Variants in SMG1 observed in about 807,000 individuals in gnomAD.
SMG1 encodes the protein SMG1 nonsense mediated mRNA decay associated PI3K related kinase, also known as serine/threonine-protein kinase SMG1.
Under a neutral mutation model 419.9 loss-of-function variants are expected in SMG1, and 22 were observed. That is an observed-to-expected ratio of 0.05 (90% CI 0.04 to 0.07). The LOEUF is 0.07. Ranked by LOEUF, SMG1 falls within the 10% of genes least tolerant of loss-of-function variation. The pLI, the probability that SMG1 is intolerant of heterozygous loss-of-function variation, is 1.00. For synonymous variants in SMG1, 1,538 were observed against 1,553.5 expected, an observed-to-expected ratio of 0.99 and a Z score of 0.23; for missense variants, 3,185 against 4,342.0, an observed-to-expected ratio of 0.73 and a Z score of 7.49.
intron 1 of SMG1, among the ~76,000 whole-genome samples, chr16:18,921,628 G>A (rs1292237625): frequency 1.3e-5 from 2 of 151,916 alleles, no homozygotes; most frequent in Admixed American, 1.3e-4. Context: ...CCACCTAATA[G>A]GTATAAAATA....
intron 55 of SMG1, among the ~76,000 whole-genome samples, chr16:18,827,815 A>G (rs578041275): frequency 1.4e-5 from 2 of 144,192 alleles, no homozygotes; most frequent in South Asian, 4.3e-4. Flanking sequence ...GTATAAATAT[A>G]CCAAAGTATA....
At position 18,815,480 on chromosome 16, in the gene SMG1, T is replaced by G. The variant is rs1326422036; in HGVS notation, c.10474A>C (p.Ile3492Leu). 3.7e-6 allele frequency: 6 copies of G among 1,614,034 alleles called. No homozygotes were observed. Among genetic ancestry groups the G allele is most frequent in the Non-Finnish European group, 5.1e-6 (6 of 1,179,890 alleles). The change falls in exon 59 of 63, where the codon ATC becomes CTC. Residue 3492 changes from isoleucine (I) to leucine (L), a missense_variant. Around this residue, in one of 27 missense-constraint regions of SMG1, gnomAD observed 737 missense variants for 846.6 expected, o/e 0.87. Transcript: ENST00000446231. ...TTCAGTTCTTTCAAGGTGGGAGTGA[T>G]TTCCTGGAGCATTTCAACGTGTTCT... ...SQEHVEMLQE[I>L]TPTLKELKTQ...
At position 18,830,127 on chromosome 16, in the gene SMG1, A is replaced by G. The variant is rs1489255611; in HGVS notation, c.8944-12T>C. On this transcript the variant is annotated splice_polypyrimidine_tract_variant and intron_variant, in intron 52 of 62. Transcript: ENST00000446231. ...TCCATCTTGTTCAACTATGTAAATG[A>G]AAGAAAACAAAGTTCATTTCTCCAC... is the stretch of plus-strand genomic sequence containing the variant. 4 of 1,599,802 alleles carry G rather than the reference A, an allele frequency of 2.5e-6. No homozygotes were observed. The highest frequency in any genetic ancestry group is 1.7e-5 in the Admixed American group (1 of 57,490).
In SMG1 at chr16:18,873,830, T is replaced by A. The variant is rs562638700; in HGVS notation, c.1891-1206A>T. Among the ~76,000 whole-genome samples, 333 of 152,298 alleles carry A rather than the reference T, an allele frequency of 2.2e-3. 5 individuals are homozygous for A. The highest frequency in any genetic ancestry group is 7.3e-3 in the African/African-American group (305 of 41,576). ...TTCCATCCATCTTTTTCCTTTACAC[T>A]GCCAAGACACTCCATTCCACCTGAC... is the stretch of plus-strand genomic sequence containing the variant. On this transcript the variant is annotated intron_variant, in intron 13 of 62. Transcript: ENST00000446231.
At chr16:18,817,223 A>T in intron 57 of SMG1, 68 bp downstream of exon 57, 1 of 1,303,618 alleles carries the variant, frequency 7.7e-7, no homozygotes, top group Admixed American at 2.8e-5. Flanking sequence ...CGGAATGTAT[A>T]TATTAAATTG....
intron 1 of SMG1, among the ~76,000 whole-genome samples, chr16:18,908,476 CAAAAA>C (rs59890240): frequency 1.2e-5 from 1 of 83,706 alleles, no homozygotes; most frequent in Non-Finnish European, 2.3e-5. Context: ...GACTCCGTCT[CAAAAA>C]AAAAAAAAAA....
rs149043036 is a variant in SMG1 at position 18,841,397 on chromosome 16, CAAA to C, written c.6696+165_6696+167del. Among the ~76,000 whole-genome samples, 586 of 105,328 alleles carry C rather than the reference CAAA, an allele frequency of 5.6e-3. 3 individuals carry two copies. The highest frequency in any genetic ancestry group is 0.015 in the Middle Eastern group (3 of 194). 69.1% of individuals were successfully genotyped at this position (105,328 alleles called of 152,430 possible). A position where few individuals can be genotyped will look rare whatever the true frequency, so the allele number is the denominator to read the frequency against. On this transcript the variant is annotated intron_variant, in intron 41 of 62. Transcript: ENST00000446231. ...TGGGCGACAGAGCAAGACTGTGTCT[CAAA>C]AAAAAAAAAAAAAAAAAAGTACCTC...
chr16:18,885,899 T>C lies in SMG1; in HGVS notation c.823-233A>G, dbSNP rs570598892. ...AGGCAGAGGTTGCAGTGAGCTGAGA[T>C]TGCACTGCTGCACTCCAGCCTGGAC... On this transcript the variant is annotated intron_variant, in intron 6 of 62. Transcript: ENST00000446231. 2.6e-5 allele frequency among the ~76,000 whole-genome samples: 4 copies of C among 152,088 alleles called. No homozygotes were observed. The South Asian group carries it at 8.3e-4, about 32-fold the overall frequency.
rs368125844 is a variant in SMG1 at position 18,919,657 on chromosome 16, T to TACAC, written c.92+6289_92+6292dup. Among the ~76,000 whole-genome samples, 226 of 125,780 alleles carry TACAC rather than the reference T, an allele frequency of 1.8e-3. 3 individuals carry two copies. The highest frequency in any genetic ancestry group is 7.1e-3 in the East Asian group (29 of 4,096). The allele number at this position is 125,780 out of a possible 152,430, so 82.5% of individuals were successfully genotyped here. The stretch of plus-strand genomic sequence containing the variant: ...AAATGTGTGTGTGTGTGTGTATATA[T>TACAC]ACACACACACACACACACACACACA... On this transcript the variant is annotated intron_variant, in intron 1 of 62. Transcript: ENST00000446231.
At chr16:18,838,719 G>A (rs2033732368) in intron 42 of SMG1, 30 bp from the exon 43 acceptor site, 4 of 1,447,788 alleles carry the variant, frequency 2.8e-6, no homozygotes, top group East Asian at 4.6e-5. Flanking sequence ...GGCAGCAAGT[G>A]AAACACCATT....
intron 1 of SMG1, among the ~76,000 whole-genome samples, chr16:18,905,755 G>A (rs914804395): frequency 6.6e-5 from 10 of 151,796 alleles, no homozygotes; most frequent in African/African-American, 2.2e-4. Context: ...GAGATTACAG[G>A]CCCCTGCTAC....
rs924918464 is a variant in SMG1 at position 18,852,188 on chromosome 16, C to T, written c.4931G>A (p.Arg1644His). Residue 1644 changes from arginine to histidine, a missense_variant, in exon 33 of 63, where the codon CGT (arginine) becomes CAT (histidine). Physicochemically the swap from Arg to His is conservative, Grantham distance 29 (BLOSUM62 0). This residue lies in a region of SMG1 where 493 missense variants were observed against 552.9 expected (regional missense o/e 0.89). Transcript: ENST00000446231. ...TTCAGATTTTTCTCTAGGCAGCAGACGAACACCTTCTCCCTGACTATAAAA... is the reference window on the plus strand; with the variant it reads ...TTCAGATTTTTCTCTAGGCAGCAGATGAACACCTTCTCCCTGACTATAAAA... ...VDNASQGEGV[R>H]LLPREKSEVQ... The T allele has an allele frequency of 1.1e-5, 17 of 1,613,492 alleles. No individual in the cohort carries two copies. Among genetic ancestry groups the T allele is most frequent in the Admixed American group, 1.7e-5 (1 of 59,924 alleles).
At chr16:18,840,705 C>T (rs1210722767) in intron 41 of SMG1, among the ~76,000 whole-genome samples, 1 of 152,142 alleles carries the variant, frequency 6.6e-6, no homozygotes, top group Non-Finnish European at 1.5e-5. Context: ...TTTAAAGTTG[C>T]TTCTTATTTA....
intron 23 of SMG1, chr16:18,866,210 T>G (rs2035494953): frequency 1.0e-5 from 2 of 194,260 alleles, no homozygotes; most frequent in Non-Finnish European, 2.1e-5. Context: ...CTAACATAAA[T>G]GGACACAGAA....
At chr16:18,812,935 C>T (rs891535168) in intron 60 of SMG1, among the ~76,000 whole-genome samples, 2 of 151,924 alleles carry the variant, frequency 1.3e-5, no homozygotes, top group East Asian at 1.9e-4. Flanking sequence ...TTTTTTGTCC[C>T]TGCGATAGTT....
chr16:18,886,645 T>C (rs1452778364), intron 6 of SMG1, among the ~76,000 whole-genome samples: 3 of 151,942 alleles, frequency 2.0e-5, no homozygotes, highest in Non-Finnish European at 1.5e-5. Context: ...CTACTAAAAA[T>C]ATAAAAATTA....
At chr16:18,892,187 A>C in intron 4 of SMG1, 31 bp downstream of exon 4, 1 of 1,423,048 alleles carries the variant, frequency 7.0e-7, no homozygotes, top group South Asian at 1.2e-5. Context: ...AAACACAAAA[A>C]TCCTCATATT....
chr16:18,841,128 G>A lies in SMG1; in HGVS notation c.6696+437C>T, dbSNP rs931088914. 3.9e-5 allele frequency among the ~76,000 whole-genome samples: 6 copies of A among 152,040 alleles called. No individual in the cohort carries two copies. In the South Asian group the frequency reaches 6.2e-4, roughly 16 times the overall value. ...TAAAAGGTACCTCAAGGCCAGATGC[G>A]GTGGCTCATGCCTGTAATCCCAGCA... On this transcript the variant is annotated intron_variant, in intron 41 of 62. Transcript: ENST00000446231.
chr16:18,813,109 G>C (rs2031630752), intron 60 of SMG1, among the ~76,000 whole-genome samples: 1 of 152,100 alleles, frequency 6.6e-6, no homozygotes, highest in Non-Finnish European at 1.5e-5. Context: ...TTGCTATTGT[G>C]AGTAGTGCCG....
Sources: allele counts gnomAD v4.1 joint callset (sites outside exome capture counted in the v4.1 genomes callset), GRCh38; gene constraint gnomAD v4.1.1; regional missense constraint gnomAD v4.1.1; transcripts MANE v1.5; gene names NCBI Gene and HGNC (gene_info 2026-07-23, HGNC 2026-07-21).